The following BCO1 variants were observed in gnomAD, a reference collection of about 807,000 sequenced individuals.
BCO1 encodes beta-carotene oxygenase 1.
In BCO1, 54 loss-of-function variants were observed where a neutral mutation model predicts 56.3. That is an observed-to-expected ratio of 0.96 (90% confidence interval 0.77 to 1.20). BCO1 has a LOEUF of 1.20. BCO1 is among the 50% of genes most tolerant of loss of function. The pLI is 0.00. For synonymous variants in BCO1, 318 were observed against 266.1 expected (o/e 1.20, Z -1.90); for missense variants, 801 against 690.9 (o/e 1.16, Z -1.79).
At chr16:81,287,461 C>G in intron 10 of BCO1, 55 bp downstream of exon 10, 1 of 1,383,830 alleles carries the variant, frequency 7.2e-7, no homozygotes, top group African/African-American at 1.4e-5. Context: ...GATCGCCCTC[C>G]AACAGAGACA....
chr16:81,270,990 C>A (rs372337158), intron 7 of BCO1, among the ~76,000 whole-genome samples: 1 of 152,170 alleles, frequency 6.6e-6, no homozygotes, highest in Non-Finnish European at 1.5e-5. Flanking sequence ...GTGATCCACC[C>A]GCCTCGGCCT....
intron 7 of BCO1, among the ~76,000 whole-genome samples, chr16:81,277,874 A>G (rs1907650222): frequency 6.6e-6 from 1 of 152,122 alleles, no homozygotes; most frequent in Non-Finnish European, 1.5e-5. Flanking sequence ...CAGTCCGACC[A>G]GTTTGGGGCT....
Position 81,262,183 on chromosome 16 carries a change from G to A in BCO1, c.371G>A (p.Cys124Tyr). The change falls in exon 4 of 11, where the codon TGC becomes TAC. Residue 124 changes from cysteine to tyrosine, a missense_variant. Cys to Tyr is a radical substitution (Grantham distance 194). Coordinates refer to ENST00000258168, the MANE Select transcript of BCO1 (RefSeq NM_017429.3). ...ACCATCCCCGATTTCACCGACAACT[G>A]CCTGATCAACATCATGAAGTGCGGA... ...SHTIPDFTDN[C>Y]LINIMKCGED... The A allele has an allele frequency of 6.2e-7, 1 of 1,613,900 alleles. No individual in the cohort carries two copies. The highest frequency in any genetic ancestry group is 8.5e-7 in the Non-Finnish European group (1 of 1,179,928).
intron 1 of BCO1, among the ~76,000 whole-genome samples, chr16:81,242,959 A>G (rs774899894): frequency 1.2e-4 from 19 of 152,104 alleles, no homozygotes; most frequent in Non-Finnish European, 2.1e-4. Context: ...CCCACCATCC[A>G]TGGAAAAATT....
At chr16:81,284,928 C>T (rs1475682079) in intron 8 of BCO1, among the ~76,000 whole-genome samples, 1 of 151,708 alleles carries the variant, frequency 6.6e-6, no homozygotes, top group African/African-American at 2.4e-5. Context: ...CCTCTGCCTC[C>T]TGGGTTCAAG....
intron 3 of BCO1, among the ~76,000 whole-genome samples, chr16:81,260,308 G>GA (rs375264968): frequency 0.015 from 1,923 of 131,196 alleles, 46 homozygotes; most frequent in African/African-American, 0.049. Context: ...AGACTAAGTG[G>GA]AAAAAAAAAA....
intron 5 of BCO1, among the ~76,000 whole-genome samples, chr16:81,265,701 CATCT>C (rs1241512372): frequency 6.6e-6 from 1 of 150,384 alleles, no homozygotes; most frequent in African/African-American, 2.4e-5. Context: ...ATCCACCATC[CATCT>C]ACCTACCCAT....
chr16:81,244,840 C>A (rs1328120671), intron 1 of BCO1, among the ~76,000 whole-genome samples: 2 of 151,712 alleles, frequency 1.3e-5, no homozygotes, highest in Non-Finnish European at 2.9e-5. Flanking sequence ...CCACCTCAAC[C>A]TCCCAAGCAG....
intron 7 of BCO1, among the ~76,000 whole-genome samples, chr16:81,279,913 T>C (rs745696587): frequency 6.6e-6 from 1 of 152,084 alleles, no homozygotes; most frequent in Non-Finnish European, 1.5e-5. Flanking sequence ...CAGAGAGGCA[T>C]ACAAAAAAGA....
At chr16:81,256,702 A>G (rs1039471936) in intron 2 of BCO1, among the ~76,000 whole-genome samples, 9 of 152,124 alleles carry the variant, frequency 5.9e-5, no homozygotes, top group Admixed American at 5.2e-4. Flanking sequence ...AGCCCGGCCA[A>G]CAGAGTAAAA....
intron 1 of BCO1, among the ~76,000 whole-genome samples, chr16:81,241,582 G>T (rs531768358): frequency 2.0e-5 from 3 of 152,296 alleles, no homozygotes; most frequent in South Asian, 2.1e-4. Flanking sequence ...CAGACACTTG[G>T]GGGGTGGAGC....
In BCO1 at chr16:81,285,949, C is replaced by A. The variant is rs558018463; in HGVS notation, c.1302+315C>A. Among the ~76,000 whole-genome samples, 4 of 152,212 alleles carry A rather than the reference C, an allele frequency of 2.6e-5. No individual in the cohort carries two copies. In the East Asian group the frequency reaches 7.7e-4, roughly 29 times the overall value. Reference sequence around the variant, plus strand: ...GAAGTCAGCAGGGAGATTCCCAATCCCTGACCTAAGGAACTCACCCTCTCC... The same window carrying A: ...GAAGTCAGCAGGGAGATTCCCAATCACTGACCTAAGGAACTCACCCTCTCC... On this transcript the variant is annotated intron_variant, in intron 9 of 10. Transcript: ENST00000258168.
At position 81,259,907 on chromosome 16, in the gene BCO1, A is replaced by G. The variant is rs985229372; in HGVS notation, c.323+102A>G. Reference sequence around the variant, plus strand: ...CCTCTGACAATTCTCTTTAGGGTAGATGAAAACTCCACATGACTGCCCTTT... The same window carrying G: ...CCTCTGACAATTCTCTTTAGGGTAGGTGAAAACTCCACATGACTGCCCTTT... On this transcript the variant is annotated intron_variant, in intron 3 of 10. Coordinates refer to ENST00000258168, the MANE Select transcript of BCO1 (RefSeq NM_017429.3). 14 of 1,450,588 alleles carry G rather than the reference A, an allele frequency of 9.7e-6. 1 individual carries two copies. The highest frequency in any genetic ancestry group is 6.8e-6 in the Non-Finnish European group (7 of 1,033,964). The allele number at this position is 1,450,588 out of a possible 1,614,324, so 89.9% of individuals were successfully genotyped here.
intron 9 of BCO1, among the ~76,000 whole-genome samples, chr16:81,286,786 G>T (rs1283171238): frequency 6.6e-6 from 1 of 151,992 alleles, no homozygotes; most frequent in Non-Finnish European, 1.5e-5. Flanking sequence ...GTTTAAAACT[G>T]GGGGAGGAGG....
At chr16:81,259,625 A>G (rs1341063665) in intron 2 of BCO1, 51 bp from the exon 3 acceptor site, 1 of 1,613,450 alleles carries the variant, frequency 6.2e-7, no homozygotes, top group Admixed American at 1.7e-5. Context: ...CATTGATTTT[A>G]AAGCCCTGTG....
intron 10 of BCO1, among the ~76,000 whole-genome samples, chr16:81,289,123 G>GT (rs1239382788): frequency 8.5e-5 from 13 of 152,144 alleles, no homozygotes; most frequent in African/African-American, 3.1e-4. Context: ...ACATTCAGAG[G>GT]TAAGATTTAA....
Position 81,264,665 on chromosome 16 carries a change from T to G in BCO1, c.497T>G (p.Val166Gly). The G allele has an allele frequency of 6.2e-7, 1 of 1,614,148 alleles. No homozygotes were observed. Among genetic ancestry groups the G allele is most frequent in the Non-Finnish European group, 8.5e-7 (1 of 1,179,998 alleles). ...EKVDYRKYVA[V>G]NLATSHPHYD... The stretch of plus-strand genomic sequence containing the variant: ...GTTGATTATCGTAAATACGTGGCGG[T>G]AAATCTGGCAACGTCACATCCCCAT... Residue 166 changes from valine (V) to glycine (G), a missense_variant, in exon 5 of 11, where the codon GTA becomes GGA. By Grantham distance (109) the Val-to-Gly change is moderately radical. Coordinates refer to ENST00000258168, the MANE Select transcript of BCO1 (RefSeq NM_017429.3).
At chr16:81,286,948 G>A (rs568931442) in intron 9 of BCO1, among the ~76,000 whole-genome samples, 4 of 152,218 alleles carry the variant, frequency 2.6e-5, no homozygotes, top group African/African-American at 4.8e-5. Context: ...GGTGGCACAC[G>A]CCTGTAATTC....
chr16:81,265,043 A>G (rs2151938759), intron 5 of BCO1, among the ~76,000 whole-genome samples: 2 of 152,206 alleles, frequency 1.3e-5, no homozygotes, highest in Middle Eastern at 3.4e-3. Context: ...TAATTTATCT[A>G]CCCATCTACC....
Sources: allele counts gnomAD v4.1 joint callset (sites outside exome capture counted in the v4.1 genomes callset), GRCh38; gene constraint gnomAD v4.1.1; transcripts MANE v1.5; gene names NCBI Gene and HGNC (gene_info 2026-07-23, HGNC 2026-07-21).